PPP2R5E: variants seen among roughly 807,000 people sequenced by gnomAD.
PPP2R5E encodes the protein protein phosphatase 2 regulatory subunit B'epsilon, also known as serine/threonine-protein phosphatase 2A 56 kDa regulatory subunit epsilon isoform.
Under a neutral mutation model 65.3 loss-of-function variants are expected in PPP2R5E, and 4 were observed. That is an observed-to-expected ratio of 0.06 (90% confidence interval 0.03 to 0.14). The LOEUF (loss-of-function observed/expected upper bound fraction) is 0.14, where lower values mean the gene tolerates loss of function less well. Ranked by LOEUF, PPP2R5E falls within the 10% of genes least tolerant of loss-of-function variation. The pLI is 1.00. For synonymous variants in PPP2R5E, 183 were observed against 187.4 expected, an observed-to-expected ratio of 0.98 and a Z score of 0.19; for missense variants, 274 against 556.1, an observed-to-expected ratio of 0.49 and a Z score of 5.10.
chr14:63,518,206 A>G (rs563630502), intron 2 of PPP2R5E, among the ~76,000 whole-genome samples: 4 of 152,062 alleles, frequency 2.6e-5, no homozygotes, highest in South Asian at 4.2e-4. Flanking sequence ...CTCCCAAAGC[A>G]CTGGGATTAC....
intron 3 of PPP2R5E, among the ~76,000 whole-genome samples, chr14:63,436,671 G>C (rs922016625): frequency 4.6e-5 from 7 of 152,146 alleles, no homozygotes; most frequent in African/African-American, 1.4e-4. Context: ...CACTCCAGGG[G>C]AAGACAGGAC....
intron 3 of PPP2R5E, among the ~76,000 whole-genome samples, chr14:63,429,691 T>G (rs1038016858): frequency 4.7e-5 from 7 of 149,642 alleles, no homozygotes; most frequent in South Asian, 2.1e-4. Flanking sequence ...TGTTTTTTGT[T>G]TTTTTTTTTG....
At chr14:63,462,027 C>T (rs1041039136) in intron 2 of PPP2R5E, among the ~76,000 whole-genome samples, 28 of 151,882 alleles carry the variant, frequency 1.8e-4, no homozygotes, top group Middle Eastern at 3.2e-3. Flanking sequence ...TCTAGAAGCA[C>T]GGACAACAGA....
At chr14:63,540,071 G>A (rs1004635009) in intron 1 of PPP2R5E, among the ~76,000 whole-genome samples, 4 of 151,000 alleles carry the variant, frequency 2.6e-5, no homozygotes, top group Non-Finnish European at 5.9e-5. Flanking sequence ...GTTGCAGTGG[G>A]CCAGGATCCC....
chr14:63,468,977 T>A (rs1889976834), intron 2 of PPP2R5E, among the ~76,000 whole-genome samples: 2 of 152,198 alleles, frequency 1.3e-5, no homozygotes, highest in African/African-American at 4.8e-5. Flanking sequence ...TTTAATTGCC[T>A]CCTAGAAGGG....
intron 2 of PPP2R5E, among the ~76,000 whole-genome samples, chr14:63,459,357 C>T (rs759455062): frequency 3.9e-5 from 6 of 152,160 alleles, no homozygotes; most frequent in East Asian, 1.9e-4. Context: ...ATTAGTAGAA[C>T]TAAGCTTCCA....
intron 2 of PPP2R5E, among the ~76,000 whole-genome samples, chr14:63,534,296 T>C (rs1594981602): frequency 6.7e-6 from 1 of 149,554 alleles, no homozygotes; most frequent in Non-Finnish European, 1.5e-5. Context: ...TTGACTTTCT[T>C]TTTTTTTTTA....
intron 2 of PPP2R5E, among the ~76,000 whole-genome samples, chr14:63,521,107 A>G (rs1023982113): frequency 6.6e-6 from 1 of 152,202 alleles, no homozygotes; most frequent in African/African-American, 2.4e-5. Context: ...ATTCAAGAGT[A>G]TGAATACAGT....
chr14:63,437,811 A>C (rs1888018214), intron 3 of PPP2R5E, among the ~76,000 whole-genome samples: 1 of 152,186 alleles, frequency 6.6e-6, no homozygotes, highest in South Asian at 2.1e-4. Flanking sequence ...TTTGTCAAAA[A>C]AATACACTTG....
intron 2 of PPP2R5E, among the ~76,000 whole-genome samples, chr14:63,482,917 C>T (rs1594925772): frequency 6.6e-6 from 1 of 152,042 alleles, no homozygotes; most frequent in Admixed American, 6.6e-5. Flanking sequence ...TTCTAGGTAC[C>T]GACAATACCG....
At chr14:63,443,421 T>C (rs981694952) in intron 3 of PPP2R5E, among the ~76,000 whole-genome samples, 5 of 152,108 alleles carry the variant, frequency 3.3e-5, no homozygotes, top group Admixed American at 1.3e-4. Flanking sequence ...GTTGAACACT[T>C]TTTGTAGGAG....
intron 3 of PPP2R5E, among the ~76,000 whole-genome samples, chr14:63,441,347 GA>G (rs1473116619): frequency 6.6e-6 from 1 of 152,196 alleles, no homozygotes; most frequent in Non-Finnish European, 1.5e-5. Flanking sequence ...ATGTATTTAA[GA>G]TACTGAGTTC....
At chr14:63,419,256 C>G (rs892099984) in intron 4 of PPP2R5E, among the ~76,000 whole-genome samples, 3 of 152,178 alleles carry the variant, frequency 2.0e-5, no homozygotes, top group African/African-American at 7.2e-5. Context: ...ATCTCAATGT[C>G]ATTTTGTTGT....
intron 3 of PPP2R5E, among the ~76,000 whole-genome samples, chr14:63,430,756 C>T (rs746430620): frequency 2.6e-5 from 4 of 152,186 alleles, no homozygotes; most frequent in Non-Finnish European, 5.9e-5. Context: ...TGTAAGCTTT[C>T]AATTACCGCT....
chr14:63,486,976 T>C (rs116681859), intron 2 of PPP2R5E, among the ~76,000 whole-genome samples: 2,530 of 152,332 alleles, frequency 0.017, 58 homozygotes, highest in African/African-American at 0.057. Context: ...TCTTGAATTA[T>C]ATACAATTAT....
At chr14:63,426,699 CAAAAAAAA>C (rs1191603099) in intron 3 of PPP2R5E, among the ~76,000 whole-genome samples, 7,233 of 54,872 alleles carry the variant, frequency 0.13, 513 homozygotes, top group African/African-American at 0.27. Context: ...AAAGGCTTAT[CAAAAAAAA>C]AAAAAAAAAA....
chr14:63,467,001 C>G (rs1240589277), intron 2 of PPP2R5E, among the ~76,000 whole-genome samples: 1 of 152,014 alleles, frequency 6.6e-6, no homozygotes, highest in African/African-American at 2.4e-5. Flanking sequence ...CCAAGGCAGG[C>G]AAATCACGAG....
intron 2 of PPP2R5E, among the ~76,000 whole-genome samples, chr14:63,516,423 C>T (rs1566756601): frequency 6.6e-6 from 1 of 152,182 alleles, no homozygotes; most frequent in East Asian, 1.9e-4. Flanking sequence ...ATAAAAATAG[C>T]TTTAAGTAAA....
chr14:63,425,394 A>G (rs117457740), intron 3 of PPP2R5E, among the ~76,000 whole-genome samples: 3,332 of 152,340 alleles, frequency 0.022, 57 homozygotes, highest in Non-Finnish European at 0.033. Flanking sequence ...TCTTCATTAA[A>G]CTATACATGT....
Sources: allele counts gnomAD v4.1 joint callset (sites outside exome capture counted in the v4.1 genomes callset), GRCh38; gene constraint gnomAD v4.1.1; transcripts MANE v1.5; gene names NCBI Gene and HGNC (gene_info 2026-07-23, HGNC 2026-07-21).